The following AKR1B10 variants were observed in gnomAD, a reference collection of about 807,000 sequenced individuals.
AKR1B10 encodes the protein ARP.
AKR1B10 carries 39 observed loss-of-function variants against 38.9 expected under a neutral mutation model. The observed-to-expected ratio is 1.00, with a 90% CI of 0.78 to 1.31. AKR1B10 has a LOEUF of 1.31. Among genes scored for constraint, AKR1B10 ranks in the 50% most tolerant of loss-of-function variants. The probability of loss-of-function intolerance (pLI) is 0.00; values close to 1 mark genes in which losing one functional copy is unlikely to be tolerated. For synonymous variants in AKR1B10, 148 were observed against 141.2 expected, an observed-to-expected ratio of 1.05 and a Z score of -0.34; for missense variants, 361 against 382.6, an observed-to-expected ratio of 0.94 and a Z score of 0.47.
rs769785390 is a variant in AKR1B10, at chr7:134,537,652, C to T, written c.732C>T (p.Thr244=). ...AGATTGCTGCAAAGCACAAAAAAAC[C>T]GCAGCCCAGGTGCCATATTTTTATT... ...IKEIAAKHKK[T]AAQVLIRFHI... Residue 244 remains threonine, a synonymous_variant, in exon 7 of 10, where the codon ACC becomes ACT. Transcript: ENST00000359579. The T allele has an allele frequency of 8.0e-5, 129 of 1,614,008 alleles. No individual in the cohort carries two copies. The highest frequency in any genetic ancestry group is 1.5e-4 in the African/African-American group (11 of 74,926).
At chr7:134,531,875 A>G (rs767904769) in intron 2 of AKR1B10, 33 bp from the exon 3 acceptor site, 18 of 1,612,290 alleles carry the variant, frequency 1.1e-5, no homozygotes, top group Non-Finnish European at 2.5e-6. Context: ...TCCTTTTCCC[A>G]GTATTAATAG....
intron 4 of AKR1B10, among the ~76,000 whole-genome samples, chr7:134,534,243 T>G (rs1039090512): frequency 6.6e-6 from 1 of 152,162 alleles, no homozygotes; most frequent in African/African-American, 2.4e-5. Flanking sequence ...TGCCTCAGCC[T>G]CCTGAGTCGC....
intron 6 of AKR1B10, 136 bp downstream of exon 6, chr7:134,537,293 T>A (rs1471128885): frequency 7.7e-7 from 1 of 1,300,800 alleles, no homozygotes; most frequent in East Asian, 2.6e-5. Context: ...TACACACAAA[T>A]GGGATGGCAG....
At position 134,537,442 on chromosome 7, in the gene AKR1B10, C is replaced by G. The variant is rs1808042739; in HGVS notation, c.660-138C>G. 57 of 1,286,156 alleles carry G rather than the reference C, an allele frequency of 4.4e-5. No individual in the cohort carries two copies. In the South Asian group the frequency reaches 6.6e-4, roughly 15 times the overall value. 79.7% of individuals were successfully genotyped at this position (1,286,156 alleles called of 1,614,324 possible). The stretch of plus-strand genomic sequence containing the variant: ...GAGGCTTCAGAGCCCGGGGAAAGGA[C>G]CCAAGCTTCCAGGTCCTCCTGCCTG... On this transcript the variant is annotated intron_variant, in intron 6 of 9. Coordinates refer to ENST00000359579, the MANE Select transcript of AKR1B10 (RefSeq NM_020299.5).
chr7:134,530,496 T>C, intron 1 of AKR1B10, 147 bp from the exon 2 acceptor site: 1 of 828,136 alleles, frequency 1.2e-6, no homozygotes, highest in Non-Finnish European at 1.9e-6. Flanking sequence ...GAGAATATGA[T>C]GGTTGCTGAG....
At chr7:134,538,594 C>T (rs1363585581) in intron 8 of AKR1B10, among the ~76,000 whole-genome samples, 1 of 152,182 alleles carries the variant, frequency 6.6e-6, no homozygotes, top group Non-Finnish European at 1.5e-5. Context: ...CTGTCCTGGC[C>T]TCCCTGCTCA....
Position 134,541,376 on chromosome 7 carries a change from T to G in AKR1B10, c.*287T>G. The stretch of plus-strand genomic sequence containing the variant: ...TCAGAAACTCTGCCAACACTGAGGA[T>G]GTAAAGATCAATAAAAAAAATAATA... On this transcript the variant is annotated 3_prime_UTR_variant, in exon 10 of 10. Transcript: ENST00000359579. The G allele has an allele frequency of 5.9e-6, 2 of 337,372 alleles. No homozygotes were observed. The highest frequency in any genetic ancestry group is 1.1e-5 in the Non-Finnish European group (2 of 187,438). 20.9% of individuals were successfully genotyped at this position (337,372 alleles called of 1,614,324 possible). A position where few individuals can be genotyped will look rare whatever the true frequency, so the allele number is the denominator to read the frequency against.
chr7:134,537,261 G>A lies in AKR1B10; in HGVS notation c.659+104G>A. On this transcript the variant is annotated intron_variant, in intron 6 of 9. Coordinates refer to ENST00000359579, the MANE Select transcript of AKR1B10 (RefSeq NM_020299.5). ...TCCATAAGTTACTGGAAAGAAAAATGTGTGTAAGGTAACACGTTTGGTACA... is the reference window on the plus strand; with the variant it reads ...TCCATAAGTTACTGGAAAGAAAAATATGTGTAAGGTAACACGTTTGGTACA... 4.1e-6 allele frequency: 6 copies of A among 1,471,028 alleles called. 1 individual carries two copies. In the South Asian group the frequency reaches 8.7e-5, roughly 21 times the overall value. The allele number at this position is 1,471,028 out of a possible 1,614,324, so 91.1% of individuals were successfully genotyped here.
At position 134,529,650 on chromosome 7, in the gene AKR1B10, G is replaced by T. The variant is rs112564688; in HGVS notation, c.67-993G>T. Among the ~76,000 whole-genome samples, 57 of 152,264 alleles carry T rather than the reference G, an allele frequency of 3.7e-4. 1 individual carries two copies. The highest frequency in any genetic ancestry group is 6.6e-4 in the Non-Finnish European group (45 of 68,014). Reference sequence around the variant, plus strand: ...CTGTTTTGTGTACTGTTCAATGTTTGTTATCTCACAATTGAAGAGGTTTAA... The same window carrying T: ...CTGTTTTGTGTACTGTTCAATGTTTTTTATCTCACAATTGAAGAGGTTTAA... On this transcript the variant is annotated intron_variant, in intron 1 of 9. Coordinates refer to ENST00000359579, the MANE Select transcript of AKR1B10 (RefSeq NM_020299.5).
At chr7:134,528,921 G>A (rs550424956) in intron 1 of AKR1B10, among the ~76,000 whole-genome samples, 57 of 152,222 alleles carry the variant, frequency 3.7e-4, no homozygotes, top group African/African-American at 1.2e-3. Context: ...AGCACCACCC[G>A]GCTGTGTTAA....
chr7:134,533,168 C>A, intron 4 of AKR1B10, 87 bp downstream of exon 4: 1 of 1,053,230 alleles, frequency 9.5e-7, no homozygotes, highest in Non-Finnish European at 1.4e-6. Context: ...AGGCCATGTG[C>A]CTGATGCTTT....
chr7:134,537,991 G>A (rs560002621), intron 7 of AKR1B10, among the ~76,000 whole-genome samples: 1 of 151,882 alleles, frequency 6.6e-6, no homozygotes, highest in East Asian at 1.9e-4. Flanking sequence ...TCCTAAAAAA[G>A]GAAGATCACA....
chr7:134,540,910 C>T, intron 9 of AKR1B10, 137 bp from the exon 10 acceptor site: 2 of 676,848 alleles, frequency 3.0e-6, no homozygotes, highest in Non-Finnish European at 5.2e-6. Context: ...TGGGCACCCT[C>T]CTTATGTTCT....
At chr7:134,535,483 G>C in intron 4 of AKR1B10, 1 of 455,474 alleles carries the variant, frequency 2.2e-6, no homozygotes, top group Non-Finnish European at 2.9e-6. Context: ...GTTGAGAAGG[G>C]CTGGATAAAG....
At chr7:134,535,291 T>A (rs1353413579) in intron 4 of AKR1B10, among the ~76,000 whole-genome samples, 3 of 152,106 alleles carry the variant, frequency 2.0e-5, no homozygotes, top group Non-Finnish European at 4.4e-5. Flanking sequence ...AGACTTTTTT[T>A]AAGAAGAGAA....
At position 134,534,376 on chromosome 7, in the gene AKR1B10, C is replaced by T. The variant is rs144580868; in HGVS notation, c.429+1295C>T. On this transcript the variant is annotated intron_variant, in intron 4 of 9. Coordinates refer to ENST00000359579, the MANE Select transcript of AKR1B10 (RefSeq NM_020299.5). ...ACCTCAAGGGATCCACCTGTCTTGG[C>T]CTCCCAAAGTGCTCAGATTACAGGT... Among the ~76,000 whole-genome samples, 656 of 152,292 alleles carry T rather than the reference C, an allele frequency of 4.3e-3. 2 individuals are homozygous for T. Among genetic ancestry groups the T allele is most frequent in the African/African-American group, 0.015 (631 of 41,562 alleles).
chr7:134,533,861 A>G (rs114353648), intron 4 of AKR1B10, among the ~76,000 whole-genome samples: 2,135 of 152,268 alleles, frequency 0.014, 60 homozygotes, highest in African/African-American at 0.049. Context: ...TATTATTTAT[A>G]CCCTTTTGCA....
Position 134,527,678 on chromosome 7 carries a change from T to C in AKR1B10, c.-234T>C. ...CTCAGGAGTTTGAGACCAGCCTGTCTCTACTAACAATATAAAAATTAGCTG... is the reference window on the plus strand; with the variant it reads ...CTCAGGAGTTTGAGACCAGCCTGTCCCTACTAACAATATAAAAATTAGCTG... On this transcript the variant is annotated 5_prime_UTR_variant, in exon 1 of 10. Transcript: ENST00000359579. The C allele has an allele frequency of 2.9e-6, 1 of 344,662 alleles. No homozygotes were observed. The highest frequency in any genetic ancestry group is 3.6e-5 in the Admixed American group (1 of 27,416). The allele number at this position is 344,662 out of a possible 1,614,324, so 21.4% of individuals were successfully genotyped here. A position where few individuals can be genotyped will look rare whatever the true frequency, so the allele number is the denominator to read the frequency against.
At chr7:134,534,944 G>C (rs1475506311) in intron 4 of AKR1B10, among the ~76,000 whole-genome samples, 1 of 152,096 alleles carries the variant, frequency 6.6e-6, no homozygotes, top group Non-Finnish European at 1.5e-5. Context: ...ACAACTCAGA[G>C]AAAATCTGTA....
Sources: allele counts gnomAD v4.1 joint callset (sites outside exome capture counted in the v4.1 genomes callset), GRCh38; gene constraint gnomAD v4.1.1; transcripts MANE v1.5; gene names NCBI Gene and HGNC (gene_info 2026-07-23, HGNC 2026-07-21).